LUZP1: variants seen among roughly 807,000 people sequenced by gnomAD.
LUZP1 encodes leucine zipper protein 1.
LUZP1 carries 25 observed loss-of-function variants against 71.3 expected under a neutral mutation model. The observed-to-expected ratio is 0.35, with a 90% CI of 0.26 to 0.49. LUZP1 has a LOEUF of 0.49. LUZP1 is among the 20% of genes least tolerant of loss of function. LUZP1 has a pLI of 0.99. For missense variants in LUZP1, 1,142 were observed against 1,300.8 expected, an observed-to-expected ratio of 0.88 and a Z score of 1.88; for synonymous variants, 481 against 506.4, an observed-to-expected ratio of 0.95 and a Z score of 0.67.
At chr1:23,122,613 T>G (rs373022746) in intron 2 of LUZP1, among the ~76,000 whole-genome samples, 8 of 152,348 alleles carry the variant, frequency 5.3e-5, no homozygotes, top group African/African-American at 1.9e-4. Context: ...CTAAGCCGAT[T>G]AGTTTAGGTT....
chr1:23,117,524 G>T (rs1438454998), intron 2 of LUZP1, among the ~76,000 whole-genome samples: 7 of 100,028 alleles, frequency 7.0e-5, no homozygotes, highest in Admixed American at 1.1e-4. Flanking sequence ...GGGGGCGGGG[G>T]GGGGGAACAC....
intron 2 of LUZP1, among the ~76,000 whole-genome samples, chr1:23,168,490 T>C (rs1343366169): frequency 1.4e-5 from 2 of 138,426 alleles, no homozygotes; most frequent in East Asian, 2.1e-4. Context: ...GAACCTTCCC[T>C]CCCCCTCCCG....
chr1:23,157,518 C>G (rs1428337574), intron 2 of LUZP1, among the ~76,000 whole-genome samples: 1 of 151,820 alleles, frequency 6.6e-6, no homozygotes, highest in Non-Finnish European at 1.5e-5. Flanking sequence ...TCGCCAGGCA[C>G]GGTGGCTCAT....
intron 1 of LUZP1, among the ~76,000 whole-genome samples, chr1:23,169,413 G>A (rs1317735259): frequency 6.6e-6 from 1 of 152,138 alleles, no homozygotes; most frequent in East Asian, 1.9e-4. Flanking sequence ...CAATGGAAAG[G>A]TGCTTAGCCT....
At chr1:23,110,403 A>C (rs917103747) in intron 2 of LUZP1, among the ~76,000 whole-genome samples, 3 of 152,160 alleles carry the variant, frequency 2.0e-5, no homozygotes, top group Non-Finnish European at 2.9e-5. Flanking sequence ...ACTCTTGAGG[A>C]AAATGGAAAG....
chr1:23,126,757 T>C (rs557964165), intron 2 of LUZP1, among the ~76,000 whole-genome samples: 22 of 152,310 alleles, frequency 1.4e-4, no homozygotes, highest in Admixed American at 1.3e-3. Context: ...ATTCTTGCTT[T>C]TGATGTTTAC....
rs183227574 is a variant in LUZP1 at position 23,091,261 on chromosome 1, C to G, written c.3001G>C (p.Glu1001Gln). The change falls in exon 4 of 5, where the codon GAG becomes CAG. Residue 1001 changes from glutamate to glutamine, a missense_variant. Transcript: ENST00000302291. ...ACCCGATTCCGACGGGTAAGCACCT[C>G]TGACACAGTGAGGCTACTTTGGGTC... The G allele has an allele frequency of 8.4e-5, 135 of 1,614,040 alleles. No individual in the cohort carries two copies. In the East Asian group the frequency reaches 2.1e-3, roughly 26 times the overall value.
chr1:23,096,235 A>G (rs937974010), intron 3 of LUZP1, among the ~76,000 whole-genome samples: 7 of 152,302 alleles, frequency 4.6e-5, no homozygotes, highest in Admixed American at 2.6e-4. Flanking sequence ...GAGAAATGGC[A>G]TATTAGAGGC....
chr1:23,119,074 T>C (rs1569604858), intron 2 of LUZP1, among the ~76,000 whole-genome samples: 1 of 152,296 alleles, frequency 6.6e-6, no homozygotes, highest in South Asian at 2.1e-4. Flanking sequence ...GCAATTAACG[T>C]GGAGCTTCAC....
At chr1:23,133,444 C>G (rs565989423) in intron 2 of LUZP1, 7 of 152,072 alleles carry the variant, frequency 4.6e-5, no homozygotes, top group Non-Finnish European at 8.8e-5. Flanking sequence ...GGGATCCCTA[C>G]AACGGAAAGA....
chr1:23,121,052 C>T (rs1272756353), intron 2 of LUZP1, among the ~76,000 whole-genome samples: 1 of 152,148 alleles, frequency 6.6e-6, no homozygotes, highest in African/African-American at 2.4e-5. Context: ...AAGACCAGCC[C>T]AGGGAGAAAA....
chr1:23,114,708 A>T (rs2124650027), intron 2 of LUZP1, among the ~76,000 whole-genome samples: 1 of 152,350 alleles, frequency 6.6e-6, no homozygotes, highest in South Asian at 2.1e-4. Flanking sequence ...AGAGCCAGTG[A>T]TCTTTTCTGA....
At chr1:23,117,909 G>A (rs1418294786) in intron 2 of LUZP1, among the ~76,000 whole-genome samples, 3 of 151,966 alleles carry the variant, frequency 2.0e-5, no homozygotes, top group South Asian at 4.2e-4. Context: ...GGCAAACATG[G>A]TGAAACCCTG....
intron 2 of LUZP1, among the ~76,000 whole-genome samples, chr1:23,138,640 T>C (rs1295271065): frequency 6.6e-6 from 1 of 150,782 alleles, no homozygotes; most frequent in East Asian, 2.0e-4. Context: ...TAAAATGATT[T>C]TTATGGTATA....
chr1:23,154,548 TTC>T (rs1491101714), intron 2 of LUZP1, among the ~76,000 whole-genome samples: 6 of 144,124 alleles, frequency 4.2e-5, no homozygotes, highest in African/African-American at 1.6e-4. Context: ...TCTTTTTCTT[TTC>T]TTTTTTTTTT....
intron 2 of LUZP1, among the ~76,000 whole-genome samples, chr1:23,154,769 TG>T (rs1644409886): frequency 6.8e-6 from 1 of 146,588 alleles, no homozygotes. Flanking sequence ...TTAGCCAGGG[TG>T]GTCTCGATCT....
At chr1:23,156,456 G>A (rs976914587) in intron 2 of LUZP1, among the ~76,000 whole-genome samples, 1 of 152,134 alleles carries the variant, frequency 6.6e-6, no homozygotes, top group South Asian at 2.1e-4. Context: ...ACTTCAGTTC[G>A]AATCTGTTCC....
intron 2 of LUZP1, among the ~76,000 whole-genome samples, chr1:23,132,243 T>C (rs144023390): frequency 6.6e-6 from 1 of 152,332 alleles, no homozygotes; most frequent in Non-Finnish European, 1.5e-5. Context: ...ATCATTCTAA[T>C]TTCTTACTTT....
At chr1:23,113,878 CAAAAA>C (rs1644056100) in intron 2 of LUZP1, among the ~76,000 whole-genome samples, 1 of 106,866 alleles carries the variant, frequency 9.4e-6, no homozygotes. Flanking sequence ...GACTCCGTCT[CAAAAA>C]AAGAAAAAAA....
Sources: gnomAD v4.1 joint callset for allele counts (sites outside exome capture counted in the v4.1 genomes callset) on GRCh38, gnomAD v4.1.1 for gene constraint, MANE v1.5 for transcripts, NCBI Gene and HGNC (gene_info 2026-07-23, HGNC 2026-07-21) for gene names.